Variants in SLC44A5 observed in about 807,000 individuals in gnomAD.
The protein encoded by SLC44A5 is solute carrier family 44 member 5.
In SLC44A5, 57 loss-of-function variants were observed where a neutral mutation model predicts 101.8. The observed-to-expected ratio is 0.56, with a 90% CI of 0.45 to 0.70. The LOEUF (loss-of-function observed/expected upper bound fraction) is 0.70. SLC44A5 is among the 30% of genes least tolerant of loss of function. SLC44A5 has a pLI of 0.00. For synonymous variants in SLC44A5, 281 were observed against 290.9 expected, an observed-to-expected ratio of 0.97 and a Z score of 0.35; for missense variants, 737 against 853.1, an observed-to-expected ratio of 0.86 and a Z score of 1.70.
intron 2 of SLC44A5, among the ~76,000 whole-genome samples, chr1:75,471,828 C>T (rs949556312): frequency 6.6e-5 from 10 of 151,856 alleles, no homozygotes; most frequent in African/African-American, 2.4e-4. Context: ...TATCCTCTGT[C>T]CAAAACTTCT....
chr1:75,206,535 C>T (rs889308580), intron 23 of SLC44A5: 17 of 1,041,636 alleles, frequency 1.6e-5, no homozygotes, highest in Non-Finnish European at 2.2e-5. Context: ...TCAAAAGCAA[C>T]ATTTCCAAAT....
At chr1:75,363,555 ATATT>A (rs773790065) in intron 3 of SLC44A5, among the ~76,000 whole-genome samples, 3 of 152,028 alleles carry the variant, frequency 2.0e-5, no homozygotes, top group Non-Finnish European at 4.4e-5. Context: ...CAAAAATTCT[ATATT>A]TATACTCACC....
At chr1:75,689,334 C>T in the SLC44A5 span, among the ~76,000 whole-genome samples, 1 of 152,124 alleles carries the variant, frequency 6.6e-6, no homozygotes, top group South Asian at 2.1e-4. Context: ...CCCAGATTTC[C>T]AAACTGGAAG....
chr1:75,633,004 T>A, the SLC44A5 span, among the ~76,000 whole-genome samples: 3 of 152,192 alleles, frequency 2.0e-5, no homozygotes, highest in African/African-American at 7.2e-5. Flanking sequence ...ATTTCTTGTT[T>A]GTTCATTTTA....
intron 3 of SLC44A5, among the ~76,000 whole-genome samples, chr1:75,359,825 C>G (rs966209931): frequency 1.3e-5 from 2 of 152,104 alleles, no homozygotes; most frequent in Admixed American, 1.3e-4. Flanking sequence ...ACATCCTCAC[C>G]AACACTTGTT....
intron 2 of SLC44A5, among the ~76,000 whole-genome samples, chr1:75,514,615 A>C (rs1446933772): frequency 2.0e-5 from 3 of 152,250 alleles, no homozygotes; most frequent in Non-Finnish European, 4.4e-5. Flanking sequence ...TAGTGTCTTT[A>C]AACACACATC....
At chr1:75,654,886 T>C in the SLC44A5 span, among the ~76,000 whole-genome samples, 1 of 152,188 alleles carries the variant, frequency 6.6e-6, no homozygotes, top group South Asian at 2.1e-4. Context: ...ACTGGACTGC[T>C]AAAAATGGTC....
intron 1 of SLC44A5, among the ~76,000 whole-genome samples, chr1:75,581,585 G>A (rs1049209915): frequency 6.6e-6 from 1 of 152,156 alleles, no homozygotes; most frequent in South Asian, 2.1e-4. Context: ...AGATGATGTG[G>A]GAAAGGGGTA....
At chr1:75,657,042 T>C in the SLC44A5 span, among the ~76,000 whole-genome samples, 1 of 152,124 alleles carries the variant, frequency 6.6e-6, no homozygotes, top group African/African-American at 2.4e-5. Flanking sequence ...CCAGGTACTC[T>C]GTAGGCTGAG....
intron 1 of SLC44A5, among the ~76,000 whole-genome samples, chr1:75,584,755 C>G (rs1673900167): frequency 6.6e-6 from 1 of 151,896 alleles, no homozygotes; most frequent in Admixed American, 6.6e-5. Flanking sequence ...TGCCACAATG[C>G]CTGGCTAATT....
chr1:75,270,090 G>A (rs1370212967), intron 6 of SLC44A5, among the ~76,000 whole-genome samples: 6 of 152,144 alleles, frequency 3.9e-5, no homozygotes, highest in African/African-American at 9.7e-5. Flanking sequence ...ACGTGGAACT[G>A]TGAGTCCATT....
At chr1:75,596,788 A>G (rs992967017) in intron 1 of SLC44A5, among the ~76,000 whole-genome samples, 1 of 152,190 alleles carries the variant, frequency 6.6e-6, no homozygotes, top group Non-Finnish European at 1.5e-5. Flanking sequence ...TAGGTAGTGA[A>G]GGACCCTACC....
chr1:75,408,673 A>T (rs1250587986), intron 2 of SLC44A5, among the ~76,000 whole-genome samples: 1 of 151,394 alleles, frequency 6.6e-6, no homozygotes, highest in Admixed American at 6.6e-5. Context: ...ACACATGGAC[A>T]CAGGGAGGGG....
At chr1:75,374,749 A>G (rs550567509) in intron 3 of SLC44A5, among the ~76,000 whole-genome samples, 84 of 152,304 alleles carry the variant, frequency 5.5e-4, no homozygotes, top group African/African-American at 1.9e-3. Context: ...AGGATCCACA[A>G]CTGAGGAACT....
At chr1:75,708,019 A>T in the SLC44A5 span, among the ~76,000 whole-genome samples, 18 of 152,204 alleles carry the variant, frequency 1.2e-4, no homozygotes, top group Non-Finnish European at 2.5e-4. Context: ...AAATACTACT[A>T]AATGTATTAT....
intron 2 of SLC44A5, among the ~76,000 whole-genome samples, chr1:75,503,455 T>C (rs1023578241): frequency 5.3e-5 from 8 of 152,126 alleles, no homozygotes; most frequent in Non-Finnish European, 1.2e-4. Context: ...CCTGCAGCCA[T>C]GCGAAGACAT....
At chr1:75,387,230 T>A (rs1200261462) in intron 3 of SLC44A5, among the ~76,000 whole-genome samples, 3 of 151,812 alleles carry the variant, frequency 2.0e-5, no homozygotes, top group Non-Finnish European at 4.4e-5. Flanking sequence ...TAAACTAAAG[T>A]GCTTCTGCGC....
At chr1:75,521,427 T>C (rs1358499196) in intron 2 of SLC44A5, 1 of 152,254 alleles carries the variant, frequency 6.6e-6, no homozygotes, top group Admixed American at 6.5e-5. Flanking sequence ...TCATTTTCTC[T>C]TCTGAAATGT....
the SLC44A5 span, among the ~76,000 whole-genome samples, chr1:75,701,200 C>A: frequency 0.26 from 38,801 of 151,584 alleles, 5,289 homozygotes; most frequent in Middle Eastern, 0.35. Flanking sequence ...CAGAGACACA[C>A]AAAAAAAGAG....
Sources: allele counts gnomAD v4.1 joint callset (sites outside exome capture counted in the v4.1 genomes callset), GRCh38; gene constraint gnomAD v4.1.1; transcripts MANE v1.5; gene names NCBI Gene and HGNC (gene_info 2026-07-23, HGNC 2026-07-21).